KCNIP4: variants seen among roughly 807,000 people sequenced by gnomAD.
KCNIP4 encodes Kv channel-interacting protein 4.
A neutral mutation model predicts 34.0 loss-of-function variants in KCNIP4; 12 were observed. That is an observed-to-expected ratio of 0.35 (90% CI 0.23 to 0.57). The LOEUF (loss-of-function observed/expected upper bound fraction) is 0.57. Among genes scored for constraint, KCNIP4 ranks in the 20% least tolerant of loss-of-function variants. The probability of loss-of-function intolerance (pLI) is 0.83; values close to 1 mark genes in which losing one functional copy is unlikely to be tolerated. For synonymous variants in KCNIP4, 124 were observed against 102.2 expected, an observed-to-expected ratio of 1.21 and a Z score of -1.29; for missense variants, 238 against 311.7, an observed-to-expected ratio of 0.76 and a Z score of 1.78.
chr4:21,050,799 G>A (rs772407150), intron 1 of KCNIP4, among the ~76,000 whole-genome samples: 2 of 152,142 alleles, frequency 1.3e-5, no homozygotes, highest in East Asian at 1.9e-4. Flanking sequence ...TTGATAGATC[G>A]AGTAGTTGGA....
chr4:21,720,337 C>G (rs1188015842), intron 1 of KCNIP4, among the ~76,000 whole-genome samples: 1 of 151,906 alleles, frequency 6.6e-6, no homozygotes, highest in Non-Finnish European at 1.5e-5. Context: ...AGAAAATATT[C>G]AAAATCCAAA....
At chr4:21,125,171 T>TTTTTA (rs1369562684) in intron 1 of KCNIP4, among the ~76,000 whole-genome samples, 1 of 78,072 alleles carries the variant, frequency 1.3e-5, no homozygotes, top group East Asian at 3.3e-4. Flanking sequence ...AGGAGGGCTT[T>TTTTTA]TTTTATTTTA....
chr4:21,521,748 C>A (rs1735547146), intron 1 of KCNIP4, among the ~76,000 whole-genome samples: 1 of 152,120 alleles, frequency 6.6e-6, no homozygotes, highest in African/African-American at 2.4e-5. Context: ...GTGCTCTCTC[C>A]AATTTCATTC....
intron 3 of KCNIP4, among the ~76,000 whole-genome samples, chr4:20,772,193 C>T (rs1356787979): frequency 6.6e-6 from 1 of 152,142 alleles, no homozygotes; most frequent in African/African-American, 2.4e-5. Flanking sequence ...TCTTCCTAAG[C>T]TTGAAAGGTG....
At chr4:21,811,733 G>T (rs1239573039) in intron 1 of KCNIP4, among the ~76,000 whole-genome samples, 1 of 152,174 alleles carries the variant, frequency 6.6e-6, no homozygotes, top group East Asian at 1.9e-4. Context: ...ACCAAGAAAA[G>T]GAATGTGTGG....
At chr4:21,464,418 C>A (rs554972826) in intron 1 of KCNIP4, among the ~76,000 whole-genome samples, 2 of 151,948 alleles carry the variant, frequency 1.3e-5, no homozygotes, top group African/African-American at 4.8e-5. Flanking sequence ...TCTCTCATAG[C>A]ATTTTCTAAT....
chr4:21,151,491 T>C (rs1752758169), intron 1 of KCNIP4, among the ~76,000 whole-genome samples: 1 of 140,794 alleles, frequency 7.1e-6, no homozygotes. Flanking sequence ...TGAGATCTGG[T>C]GTGGCCTCTC....
intron 1 of KCNIP4, among the ~76,000 whole-genome samples, chr4:21,467,073 AACACACAC>A (rs33937973): frequency 0.027 from 3,789 of 139,764 alleles, 89 homozygotes; most frequent in East Asian, 0.088. Flanking sequence ...AACCAAAACA[AACACACAC>A]ACACACACAC....
intron 1 of KCNIP4, among the ~76,000 whole-genome samples, chr4:21,294,322 G>A (rs1217583634): frequency 6.6e-6 from 1 of 152,088 alleles, no homozygotes; most frequent in Admixed American, 6.5e-5. Flanking sequence ...TCAACAACAA[G>A]ATCTGGGCCC....
intron 1 of KCNIP4, among the ~76,000 whole-genome samples, chr4:21,405,112 C>A (rs2109567109): frequency 6.6e-6 from 1 of 152,278 alleles, no homozygotes; most frequent in South Asian, 2.1e-4. Flanking sequence ...ATCACCCTGG[C>A]CTGCCTTCAG....
chr4:21,511,717 G>A (rs1332723348), intron 1 of KCNIP4, among the ~76,000 whole-genome samples: 2 of 151,956 alleles, frequency 1.3e-5, no homozygotes, highest in Non-Finnish European at 2.9e-5. Flanking sequence ...AAAATCATGT[G>A]TCTGAATTTA....
chr4:21,417,720 C>A (rs937714128), intron 1 of KCNIP4, among the ~76,000 whole-genome samples: 1 of 152,088 alleles, frequency 6.6e-6, no homozygotes, highest in African/African-American at 2.4e-5. Context: ...ATTTTTCTCC[C>A]TTTGTGGGGC....
chr4:21,456,303 G>T (rs56343226), intron 1 of KCNIP4, among the ~76,000 whole-genome samples: 4,975 of 147,408 alleles, frequency 0.034, 329 homozygotes, highest in Non-Finnish European at 0.05. Flanking sequence ...TTTGAAGTCG[G>T]ATCAAGATTT....
intron 1 of KCNIP4, among the ~76,000 whole-genome samples, chr4:21,402,087 C>T (rs924301029): frequency 6.6e-6 from 1 of 152,154 alleles, no homozygotes; most frequent in East Asian, 1.9e-4. Context: ...ACTTCTAAAA[C>T]GCATATACTT....
chr4:21,540,646 C>A (rs570897782), intron 1 of KCNIP4, among the ~76,000 whole-genome samples: 3 of 152,254 alleles, frequency 2.0e-5, no homozygotes, highest in East Asian at 3.9e-4. Context: ...ATGAAAGGAT[C>A]AAGGTAACTC....
intron 1 of KCNIP4, among the ~76,000 whole-genome samples, chr4:21,222,611 G>C (rs1758061419): frequency 1.3e-5 from 2 of 152,048 alleles, no homozygotes; most frequent in Non-Finnish European, 1.5e-5. Context: ...TTTTTCTTTA[G>C]AATATTATTT....
intron 1 of KCNIP4, among the ~76,000 whole-genome samples, chr4:21,777,469 A>T (rs556640750): frequency 8.1e-4 from 77 of 94,884 alleles, no homozygotes; most frequent in African/African-American, 2.1e-3. Context: ...TAGAATTAAA[A>T]ATGGGACATT....
intron 1 of KCNIP4, among the ~76,000 whole-genome samples, chr4:21,166,081 C>T (rs1753607940): frequency 6.6e-6 from 1 of 152,140 alleles, no homozygotes; most frequent in South Asian, 2.1e-4. Context: ...ACCTCCAGAA[C>T]TGTGAGCAAT....
chr4:21,834,640 C>G (rs796743004), intron 1 of KCNIP4, among the ~76,000 whole-genome samples: 2,793 of 151,834 alleles, frequency 0.018, 39 homozygotes, highest in African/African-American at 0.038. Context: ...TTGAATAGGA[C>G]TGGTGAGAGA....
Sources: gnomAD v4.1 joint callset for allele counts (sites outside exome capture counted in the v4.1 genomes callset) on GRCh38, gnomAD v4.1.1 for gene constraint, MANE v1.5 for transcripts, NCBI Gene and HGNC (gene_info 2026-07-23, HGNC 2026-07-21) for gene names.